Variants in EBF1 observed in about 807,000 individuals in gnomAD.
EBF1 encodes EBF transcription factor 1, also known as transcription factor COE1.
A neutral mutation model predicts 68.4 loss-of-function variants in EBF1; 10 were observed. That is an observed-to-expected ratio of 0.15 (90% confidence interval 0.09 to 0.25). The LOEUF (loss-of-function observed/expected upper bound fraction) is 0.25, where lower values mean the gene tolerates loss of function less well. EBF1 is among the 10% of genes least tolerant of loss of function. The pLI, the probability that EBF1 is intolerant of heterozygous loss-of-function variation, is 1.00. For synonymous variants in EBF1, 298 were observed against 299.8 expected (o/e 0.99, Z 0.06); for missense variants, 509 against 794.4 (o/e 0.64, Z 4.32).
chr5:158,918,925 A>G (rs1226377789), intron 6 of EBF1, among the ~76,000 whole-genome samples: 1 of 152,210 alleles, frequency 6.6e-6, no homozygotes, highest in East Asian at 1.9e-4. Context: ...ATATATAGAA[A>G]TTAGCTGCTG....
intron 6 of EBF1, among the ~76,000 whole-genome samples, chr5:159,069,596 A>T (rs1777460670): frequency 1.3e-5 from 2 of 152,188 alleles, no homozygotes; most frequent in Non-Finnish European, 2.9e-5. Flanking sequence ...TACTTAATAT[A>T]TTCAGTTCCG....
chr5:158,816,261 G>A (rs1783712793), intron 8 of EBF1, among the ~76,000 whole-genome samples: 1 of 152,208 alleles, frequency 6.6e-6, no homozygotes, highest in African/African-American at 2.4e-5. Context: ...CAGCATCCTG[G>A]GAATCCCAGA....
At chr5:159,088,285 G>A (rs779628282) in intron 4 of EBF1, among the ~76,000 whole-genome samples, 1 of 152,136 alleles carries the variant, frequency 6.6e-6, no homozygotes, top group African/African-American at 2.4e-5. Flanking sequence ...TGTCTCTGAT[G>A]CAGAGTGGCA....
intron 6 of EBF1, among the ~76,000 whole-genome samples, chr5:158,899,898 T>A (rs893838054): frequency 6.6e-6 from 1 of 152,182 alleles, no homozygotes; most frequent in South Asian, 2.1e-4. Context: ...ATCACACAAT[T>A]AAGAACCGTG....
chr5:158,703,546 A>AT (rs1483192798), intron 15 of EBF1, among the ~76,000 whole-genome samples: 1 of 141,566 alleles, frequency 7.1e-6, no homozygotes, highest in Non-Finnish European at 1.5e-5. Flanking sequence ...CCATATTTTT[A>AT]TTTTTTAACA....
intron 6 of EBF1, among the ~76,000 whole-genome samples, chr5:158,894,690 T>C (rs1801835996): frequency 6.6e-6 from 1 of 152,332 alleles, no homozygotes; most frequent in African/African-American, 2.4e-5. Context: ...ATATAGGAAC[T>C]TGGCCATTTA....
At chr5:159,098,706 G>A (rs1227935816) in intron 1 of EBF1, among the ~76,000 whole-genome samples, 1 of 150,568 alleles carries the variant, frequency 6.6e-6, no homozygotes, top group East Asian at 2.0e-4. Context: ...AAGAAGGCAG[G>A]AAGAGAGACA....
chr5:159,018,282 G>A (rs1411761149), intron 6 of EBF1, among the ~76,000 whole-genome samples: 1 of 152,208 alleles, frequency 6.6e-6, no homozygotes, highest in African/African-American at 2.4e-5. Context: ...ACCAACAACA[G>A]TGGCTTCAAC....
chr5:158,928,800 G>T (rs1307099014), intron 6 of EBF1, among the ~76,000 whole-genome samples: 1 of 152,164 alleles, frequency 6.6e-6, no homozygotes, highest in Non-Finnish European at 1.5e-5. Context: ...ACATTTAAAA[G>T]AAATCAGCTA....
intron 10 of EBF1, among the ~76,000 whole-genome samples, chr5:158,744,788 G>A (rs1255551252): frequency 1.3e-5 from 2 of 152,210 alleles, no homozygotes; most frequent in East Asian, 1.9e-4. Context: ...GGCAAAAGCT[G>A]TCACATTCAC....
At chr5:158,857,968 T>A (rs560549721) in intron 6 of EBF1, among the ~76,000 whole-genome samples, 2 of 152,348 alleles carry the variant, frequency 1.3e-5, no homozygotes. Flanking sequence ...TTTTTCCAAG[T>A]TGACCCTTCG....
At position 158,850,677 on chromosome 5, in the gene EBF1, G is replaced by A. The variant is rs139260354; in HGVS notation, c.555-10567C>T. Among the ~76,000 whole-genome samples the A allele has an allele frequency of 2.5e-3, 378 of 152,284 alleles. 2 individuals are homozygous for A. Among genetic ancestry groups the A allele is most frequent in the Admixed American group, 4.0e-3 (61 of 15,302 alleles). On this transcript the variant is annotated intron_variant, in intron 6 of 15. Transcript: ENST00000313708. The stretch of plus-strand genomic sequence containing the variant: ...ATATACCAGAAATTGTGAATTGCCT[G>A]GGCATCTCATCATGTGCAATTGAAA...
At chr5:159,073,667 A>C (rs1245490693) in intron 5 of EBF1, 1 of 567,030 alleles carries the variant, frequency 1.8e-6, no homozygotes, top group African/African-American at 1.9e-5. Flanking sequence ...CCCTGCTCAA[A>C]GAAGGAGGTG....
At chr5:158,877,527 C>G (rs556669570) in intron 6 of EBF1, among the ~76,000 whole-genome samples, 3 of 152,208 alleles carry the variant, frequency 2.0e-5, no homozygotes, top group Admixed American at 2.0e-4. Context: ...ACTTTCTAAG[C>G]CCTTTAGGCA....
At position 158,696,535 on chromosome 5, in the gene EBF1, A is replaced by C. The variant is rs562483135; in HGVS notation, c.*2576T>G. ...GCTCACCAGATAAAATATGGCTTTAACTTGTGTACATCTTCAGGCCAGCGC... is the reference window on the plus strand; with the variant it reads ...GCTCACCAGATAAAATATGGCTTTACCTTGTGTACATCTTCAGGCCAGCGC... On this transcript the variant is annotated 3_prime_UTR_variant, in exon 16 of 16. Coordinates refer to ENST00000313708, the MANE Select transcript of EBF1 (RefSeq NM_024007.5). The C allele has an allele frequency of 5.1e-4, 115 of 224,886 alleles. No individual in the cohort carries two copies. The highest frequency in any genetic ancestry group is 8.7e-4 in the Non-Finnish European group (98 of 112,686). The allele number at this position is 224,886 out of a possible 1,614,324, so 13.9% of individuals were successfully genotyped here.
intron 11 of EBF1, among the ~76,000 whole-genome samples, chr5:158,722,980 G>A (rs1762256177): frequency 6.6e-6 from 1 of 152,070 alleles, no homozygotes; most frequent in Non-Finnish European, 1.5e-5. Context: ...CTGTATGCAG[G>A]GTATGATATG....
intron 7 of EBF1, among the ~76,000 whole-genome samples, chr5:158,834,092 T>G (rs1279288585): frequency 6.6e-6 from 1 of 152,210 alleles, no homozygotes; most frequent in Non-Finnish European, 1.5e-5. Flanking sequence ...TACTTCAGTC[T>G]CCAGGTATTA....
chr5:158,942,562 G>A (rs576652481), intron 6 of EBF1, among the ~76,000 whole-genome samples: 112 of 152,176 alleles, frequency 7.4e-4, no homozygotes, highest in Non-Finnish European at 3.2e-4. Flanking sequence ...TTAGAATTGG[G>A]TAAGTGGGAC....
At chr5:158,907,824 G>A (rs1804987994) in intron 6 of EBF1, among the ~76,000 whole-genome samples, 1 of 151,860 alleles carries the variant, frequency 6.6e-6, no homozygotes, top group African/African-American at 2.4e-5. Context: ...CCCTGCATTA[G>A]TGTTCTCTCT....
Sources: allele counts gnomAD v4.1 joint callset (sites outside exome capture counted in the v4.1 genomes callset), GRCh38; gene constraint gnomAD v4.1.1; transcripts MANE v1.5; gene names NCBI Gene and HGNC (gene_info 2026-07-23, HGNC 2026-07-21).